The following RAB11A variants were observed in gnomAD, a reference collection of about 807,000 sequenced individuals.
The protein encoded by RAB11A is RAB11A, member RAS oncogene family.
Under a neutral mutation model 28.0 loss-of-function variants are expected in RAB11A, and 9 were observed. The observed-to-expected ratio is 0.32, with a 90% confidence interval of 0.19 to 0.56. The LOEUF (loss-of-function observed/expected upper bound fraction) is 0.56, where lower values mean the gene tolerates loss of function less well. Among genes scored for constraint, RAB11A ranks in the 20% least tolerant of loss-of-function variants. The pLI is 0.91. For synonymous variants in RAB11A, 85 were observed against 88.2 expected (o/e 0.96, Z 0.20); for missense variants, 108 against 269.6 (o/e 0.40, Z 4.20).
chr15:65,876,228 A>T (rs1884613912), intron 1 of RAB11A, among the ~76,000 whole-genome samples: 1 of 152,216 alleles, frequency 6.6e-6, no homozygotes, highest in African/African-American at 2.4e-5. Flanking sequence ...TCATCTAATC[A>T]AGACCTATTT....
chr15:65,881,627 A>G (rs1402202460), intron 4 of RAB11A, among the ~76,000 whole-genome samples: 2 of 152,136 alleles, frequency 1.3e-5, no homozygotes, highest in Non-Finnish European at 1.5e-5. Flanking sequence ...TAACTATTTT[A>G]TGCATCATTT....
chr15:65,871,765 T>C (rs1487495598), intron 1 of RAB11A, among the ~76,000 whole-genome samples: 2 of 152,138 alleles, frequency 1.3e-5, no homozygotes, highest in Admixed American at 1.3e-4. Flanking sequence ...TTGGAAAAGT[T>C]AACTTTTCTG....
Position 65,877,618 on chromosome 15 carries a change from T to A in RAB11A, c.236+91T>A. On this transcript the variant is annotated intron_variant, in intron 2 of 4. Coordinates refer to ENST00000261890, the MANE Select transcript of RAB11A (RefSeq NM_004663.5). This position sits in a 1 kb window ranked among gnomAD's most constrained non-coding sequence, Gnocchi z 4.1. ...TATTGGAAAAAGAACTGTTGTTTTT[T>A]TCTTTTAAGAATTCTAGTATTAGGA... 7.1e-7 allele frequency: 1 copy of A among 1,403,836 alleles called. No individual in the cohort carries two copies. The highest frequency in any genetic ancestry group is 2.4e-5 in the East Asian group (1 of 41,348). 87.0% of individuals were successfully genotyped at this position (1,403,836 alleles called of 1,614,324 possible). A position where few individuals can be genotyped will look rare whatever the true frequency, so the allele number is the denominator to read the frequency against.
Position 65,882,271 on chromosome 15 carries a change from T to G in RAB11A, c.511+2520T>G, listed in dbSNP as rs941959999. Among the ~76,000 whole-genome samples, 5 of 152,212 alleles carry G rather than the reference T, an allele frequency of 3.3e-5. 1 individual carries two copies. The highest frequency in any genetic ancestry group is 5.9e-5 in the Non-Finnish European group (4 of 68,024). On this transcript the variant is annotated intron_variant, in intron 4 of 4. Coordinates refer to ENST00000261890, the MANE Select transcript of RAB11A (RefSeq NM_004663.5). ...CTGCATGTGGCAGCAGACATCTGTG[T>G]TGTTCTGCAGGTGTTAGGATGTTTG... is the stretch of plus-strand genomic sequence containing the variant.
intron 4 of RAB11A, 21 bp downstream of exon 4, chr15:65,879,772 T>A: frequency 6.7e-7 from 1 of 1,502,592 alleles, no homozygotes; most frequent in South Asian, 1.1e-5. Context: ...TATTTTCAGA[T>A]TACACCAGTA....
At chr15:65,874,317 A>G (rs2078179580) in intron 1 of RAB11A, among the ~76,000 whole-genome samples, 1 of 150,142 alleles carries the variant, frequency 6.7e-6, no homozygotes, top group Non-Finnish European at 1.5e-5. Context: ...ATTTCAGCTT[A>G]CTGCAACCTC....
chr15:65,877,741 T>C lies in RAB11A; in HGVS notation c.237-21T>C. 1.9e-6 allele frequency: 3 copies of C among 1,548,586 alleles called. No homozygotes were observed. The South Asian group carries it at 3.6e-5, about 18-fold the overall frequency. On this transcript the variant is annotated intron_variant, in intron 2 of 4. Transcript: ENST00000261890. The surrounding 1 kb of genome is among the most constrained non-coding windows in gnomAD (Gnocchi z 4.1). ...CTTCCATCTTGTGGTTTTCTGATAC[T>C]AAATATGTTTCTGTTTTCAGATATT...
chr15:65,871,810 C>T (rs1222921309), intron 1 of RAB11A, among the ~76,000 whole-genome samples: 1 of 151,390 alleles, frequency 6.6e-6, no homozygotes, highest in Non-Finnish European at 1.5e-5. Context: ...AAGGAAAATA[C>T]CTGCCTCTTA....
At chr15:65,872,626 G>GT (rs1447290944) in intron 1 of RAB11A, among the ~76,000 whole-genome samples, 2 of 151,816 alleles carry the variant, frequency 1.3e-5, no homozygotes, top group African/African-American at 4.8e-5. Context: ...TAGAGACGGG[G>GT]TTTCTCCATG....
At chr15:65,869,686 G>C in intron 1 of RAB11A, 61 bp downstream of exon 1, 1 of 1,550,404 alleles carries the variant, frequency 6.4e-7, no homozygotes, top group Admixed American at 1.7e-5. Flanking sequence ...GCCACTCCCG[G>C]TGGACCCTCG....
Position 65,877,210 on chromosome 15 carries a change from T to C in RAB11A, c.41-122T>C. On this transcript the variant is annotated intron_variant, in intron 1 of 4. Coordinates refer to ENST00000261890, the MANE Select transcript of RAB11A (RefSeq NM_004663.5). The surrounding 1 kb of genome is among the most constrained non-coding windows in gnomAD (Gnocchi z 4.1). The stretch of plus-strand genomic sequence containing the variant: ...CCCTACCCCCATTCCTTTTTAAAAG[T>C]CATATACCTTATTTTTCTTGCTTTA... 1 of 799,180 alleles carries C rather than the reference T, an allele frequency of 1.3e-6. No individual in the cohort carries two copies. The highest frequency in any genetic ancestry group is 2.0e-6 in the Non-Finnish European group (1 of 505,698). The allele number at this position is 799,180 out of a possible 1,614,324, so 49.5% of individuals were successfully genotyped here. A position where few individuals can be genotyped will look rare whatever the true frequency, so the allele number is the denominator to read the frequency against.
Position 65,891,784 on chromosome 15 carries a change from G to A in RAB11A, c.*3944G>A, listed in dbSNP as rs1408260612. 6.6e-6 allele frequency: 1 copy of A among 152,082 alleles called. No homozygotes were observed. Among genetic ancestry groups the A allele is most frequent in the Non-Finnish European group, 1.5e-5 (1 of 68,018 alleles). 9.4% of individuals were successfully genotyped at this position (152,082 alleles called of 1,614,324 possible). On this transcript the variant is annotated 3_prime_UTR_variant, in exon 5 of 5. Coordinates refer to ENST00000261890, the MANE Select transcript of RAB11A (RefSeq NM_004663.5). ...CCTTTAAATAAGATGAAAGCTTTCA[G>A]AACATTTATTTGCAAAATGACTGTC...
intron 4 of RAB11A, among the ~76,000 whole-genome samples, chr15:65,880,207 T>C (rs1450499842): frequency 1.3e-5 from 2 of 152,234 alleles, no homozygotes; most frequent in African/African-American, 4.8e-5. Flanking sequence ...CCCTTGCGTA[T>C]TCTATATTGT....
intron 1 of RAB11A, among the ~76,000 whole-genome samples, chr15:65,876,808 C>T (rs1017030466): frequency 2.0e-5 from 3 of 152,036 alleles, no homozygotes; most frequent in Non-Finnish European, 2.9e-5. Flanking sequence ...TTTCATTTTG[C>T]CTAGGTCTCA....
chr15:65,872,220 C>T (rs2078166517), intron 1 of RAB11A, among the ~76,000 whole-genome samples: 1 of 152,008 alleles, frequency 6.6e-6, no homozygotes, highest in South Asian at 2.1e-4. Context: ...TCCCCAAGTG[C>T]TGGGATTATA....
chr15:65,878,699 CAA>C (rs796616085), intron 3 of RAB11A, among the ~76,000 whole-genome samples: 4 of 152,010 alleles, frequency 2.6e-5, no homozygotes, highest in African/African-American at 4.8e-5. Context: ...ACAAAACAAA[CAA>C]AAAAAGAGAG....
At chr15:65,884,620 A>G (rs2078243158) in intron 4 of RAB11A, among the ~76,000 whole-genome samples, 1 of 152,130 alleles carries the variant, frequency 6.6e-6, no homozygotes, top group Non-Finnish European at 1.5e-5. Flanking sequence ...TTAGAAATAG[A>G]TTACTGCTGC....
intron 4 of RAB11A, among the ~76,000 whole-genome samples, chr15:65,882,701 C>A (rs2078230149): frequency 6.6e-6 from 1 of 152,208 alleles, no homozygotes; most frequent in Middle Eastern, 3.4e-3. Flanking sequence ...GAAAGTGACT[C>A]CATGAGATGA....
rs763409430 is a variant in RAB11A at position 65,877,388 on chromosome 15, C to A, written c.97C>A (p.Arg33=). 6.2e-7 allele frequency: 1 copy of A among 1,613,864 alleles called. No homozygotes were observed. The highest frequency in any genetic ancestry group is 8.5e-7 in the Non-Finnish European group (1 of 1,179,906). ...GAGTAATCTCCTGTCTCGATTTACT[C>A]GAAATGAGTTTAATCTGGAAAGCAA... ...GKSNLLSRFT[R]NEFNLESKST... is the part of the protein sequence containing the mutation. The change falls in exon 2 of 5, where the codon CGA becomes AGA. Residue 33 remains arginine (R), a synonymous_variant. Transcript: ENST00000261890. This position sits in a 1 kb window ranked among gnomAD's most constrained non-coding sequence, Gnocchi z 4.1.
Sources: allele counts gnomAD v4.1 joint callset (sites outside exome capture counted in the v4.1 genomes callset), GRCh38; gene constraint gnomAD v4.1.1; non-coding constraint Gnocchi (gnomAD v3.1); transcripts MANE v1.5; gene names NCBI Gene and HGNC (gene_info 2026-07-23, HGNC 2026-07-21).